Variants in GRIK2 observed in about 807,000 individuals in gnomAD.
GRIK2 encodes glutamate receptor ionotropic, kainate 2.
GRIK2 carries 32 observed loss-of-function variants against 100.3 expected under a neutral mutation model. The ratio of observed to expected loss-of-function variants is 0.32; its 90% CI spans 0.24 to 0.43. GRIK2 has a LOEUF of 0.43. GRIK2 is among the 20% of genes least tolerant of loss of function. The pLI, the probability that GRIK2 is intolerant of heterozygous loss-of-function variation, is 1.00. For missense variants in GRIK2, 843 were observed against 1,114.9 expected (o/e 0.76, Z 3.47); for synonymous variants, 417 against 389.4 (o/e 1.07, Z -0.83).
intron 7 of GRIK2, among the ~76,000 whole-genome samples, chr6:101,788,199 G>T (rs775941650): frequency 1.3e-5 from 2 of 151,536 alleles, no homozygotes; most frequent in Admixed American, 6.6e-5. Context: ...CGAGTGAGAT[G>T]AATTTCTTTC....
chr6:101,395,372 TC>T (rs1266858890), intron 1 of GRIK2, among the ~76,000 whole-genome samples: 3 of 152,212 alleles, frequency 2.0e-5, no homozygotes, highest in African/African-American at 7.2e-5. Context: ...TAGTAAGAAT[TC>T]CATGTGAAAA....
intron 2 of GRIK2, among the ~76,000 whole-genome samples, chr6:101,598,143 C>G (rs777648703): frequency 6.6e-6 from 1 of 151,408 alleles, no homozygotes; most frequent in Admixed American, 6.6e-5. Context: ...GGATAATGCT[C>G]TCTCTCTTTC....
intron 14 of GRIK2, among the ~76,000 whole-genome samples, chr6:102,021,101 A>T (rs2114363894): frequency 6.6e-6 from 1 of 151,972 alleles, no homozygotes; most frequent in Admixed American, 6.6e-5. Context: ...AATGCTTTTT[A>T]TGAAAAATTT....
At chr6:101,738,189 TGTAATTG>T (rs1471037440) in intron 7 of GRIK2, among the ~76,000 whole-genome samples, 3 of 151,746 alleles carry the variant, frequency 2.0e-5, no homozygotes, top group African/African-American at 7.3e-5. Context: ...AAATGTCAAT[TGTAATTG>T]ACAATTGTCA....
At chr6:101,735,391 G>T (rs191351338) in intron 7 of GRIK2, among the ~76,000 whole-genome samples, 1 of 152,116 alleles carries the variant, frequency 6.6e-6, no homozygotes, top group Non-Finnish European at 1.5e-5. Context: ...GTATTAGTCC[G>T]CTTTCAGGCT....
rs192786589 is a variant in GRIK2 at position 101,727,821 on chromosome 6, A to G, written c.951+41468A>G. Among the ~76,000 whole-genome samples, 615 of 152,192 alleles carry G rather than the reference A, an allele frequency of 4.0e-3. 6 individuals are homozygous for G. The highest frequency in any genetic ancestry group is 3.9e-3 in the Admixed American group (60 of 15,258). On this transcript the variant is annotated intron_variant, in intron 7 of 16. Transcript: ENST00000369134. ...AGAAATGAGGGCTTAAACACATACAATGACATAGCCTATATATAATTGAGA... is the reference window on the plus strand; with the variant it reads ...AGAAATGAGGGCTTAAACACATACAGTGACATAGCCTATATATAATTGAGA...
At chr6:101,700,624 G>T (rs142887509) in intron 7 of GRIK2, among the ~76,000 whole-genome samples, 56 of 152,230 alleles carry the variant, frequency 3.7e-4, no homozygotes, top group African/African-American at 1.3e-3. Flanking sequence ...CAGATGATGG[G>T]ACTGAGGTGC....
chr6:102,003,922 A>G lies in GRIK2; in HGVS notation c.2086-31419A>G, dbSNP rs141243952. Among the ~76,000 whole-genome samples, 385 of 151,770 alleles carry G rather than the reference A, an allele frequency of 2.5e-3. 3 individuals carry two copies. Among genetic ancestry groups the G allele is most frequent in the African/African-American group, 8.7e-3 (362 of 41,510 alleles). On this transcript the variant is annotated intron_variant, in intron 14 of 16. Coordinates refer to ENST00000369134, the MANE Select transcript of GRIK2 (RefSeq NM_021956.5). The stretch of plus-strand genomic sequence containing the variant: ...TATAAATCTGATTTATAATATAATC[A>G]TATTGACTAGGTATTAAAGTTTTAT...
At chr6:101,754,749 T>C (rs1777018305) in intron 7 of GRIK2, among the ~76,000 whole-genome samples, 1 of 152,130 alleles carries the variant, frequency 6.6e-6, no homozygotes, top group South Asian at 2.1e-4. Flanking sequence ...AGGAACTGGA[T>C]TATGGGAACG....
At chr6:101,991,581 T>A (rs989255083) in intron 14 of GRIK2, among the ~76,000 whole-genome samples, 1 of 151,340 alleles carries the variant, frequency 6.6e-6, no homozygotes, top group Non-Finnish European at 1.5e-5. Flanking sequence ...TGGAAAATTC[T>A]TTCAAAAAAA....
intron 10 of GRIK2, among the ~76,000 whole-genome samples, chr6:101,826,906 A>G (rs920226902): frequency 6.6e-6 from 1 of 152,024 alleles, no homozygotes; most frequent in Non-Finnish European, 1.5e-5. Flanking sequence ...TGAACAGCAC[A>G]ACTAGCAAAA....
At chr6:101,575,701 C>T (rs976254186) in intron 2 of GRIK2, among the ~76,000 whole-genome samples, 1 of 151,896 alleles carries the variant, frequency 6.6e-6, no homozygotes, top group Non-Finnish European at 1.5e-5. Context: ...TTATGAAAAC[C>T]ATTAAGCCTT....
intron 14 of GRIK2, among the ~76,000 whole-genome samples, chr6:102,032,058 T>C (rs1050755312): frequency 7.9e-5 from 12 of 151,274 alleles, no homozygotes; most frequent in African/African-American, 2.9e-4. Flanking sequence ...TATGGGGGAT[T>C]ATGACCATAT....
chr6:101,819,545 G>C (rs1320911616), intron 10 of GRIK2, among the ~76,000 whole-genome samples: 1 of 152,114 alleles, frequency 6.6e-6, no homozygotes, highest in Non-Finnish European at 1.5e-5. Flanking sequence ...CGCTCTCTCT[G>C]TCACATCCAA....
At chr6:101,473,845 C>G (rs1237474997) in intron 2 of GRIK2, among the ~76,000 whole-genome samples, 1 of 151,876 alleles carries the variant, frequency 6.6e-6, no homozygotes, top group Non-Finnish European at 1.5e-5. Flanking sequence ...AAAAAATGAA[C>G]AGCAGATGTT....
intron 2 of GRIK2, among the ~76,000 whole-genome samples, chr6:101,508,001 C>T (rs1774108951): frequency 6.6e-6 from 1 of 151,826 alleles, no homozygotes; most frequent in South Asian, 2.1e-4. Context: ...ATTGTATATG[C>T]TTTAAAAGAA....
At chr6:102,039,943 A>G (rs1770478769) in intron 15 of GRIK2, among the ~76,000 whole-genome samples, 1 of 151,546 alleles carries the variant, frequency 6.6e-6, no homozygotes. Flanking sequence ...GGCAGCTGAA[A>G]AAGGGATGGA....
intron 15 of GRIK2, among the ~76,000 whole-genome samples, chr6:102,053,091 A>AACACACACACACACAC (rs148536098): frequency 2.0e-5 from 3 of 149,268 alleles, no homozygotes; most frequent in East Asian, 2.0e-4. Context: ...CAACAACAAC[A>AACACACACACACACAC]ACACACACAC....
chr6:101,759,335 T>G (rs1305765185), intron 7 of GRIK2, among the ~76,000 whole-genome samples: 1 of 152,184 alleles, frequency 6.6e-6, no homozygotes, highest in Non-Finnish European at 1.5e-5. Context: ...TTATTTTCCT[T>G]TTTTTGTAGG....
Sources: allele counts gnomAD v4.1 joint callset (sites outside exome capture counted in the v4.1 genomes callset), GRCh38; gene constraint gnomAD v4.1.1; transcripts MANE v1.5; gene names NCBI Gene and HGNC (gene_info 2026-07-23, HGNC 2026-07-21).